NRP2: variants seen among roughly 807,000 people sequenced by gnomAD.
The protein encoded by NRP2 is neuropilin 2.
In NRP2, 52 loss-of-function variants were observed where a neutral mutation model predicts 110.4. That is an observed-to-expected ratio of 0.47 (90% CI 0.38 to 0.59). The LOEUF (loss-of-function observed/expected upper bound fraction) is 0.59. Ranked by LOEUF, NRP2 falls within the 20% of genes least tolerant of loss-of-function variation. The pLI is 0.00. For synonymous variants in NRP2, 508 were observed against 468.9 expected (o/e 1.08, Z -1.08); for missense variants, 1,049 against 1,203.0 (o/e 0.87, Z 1.89).
At chr2:205,683,486 A>G in intron 1 of NRP2, 123 bp downstream of exon 1, 1 of 742,616 alleles carries the variant, frequency 1.3e-6, no homozygotes, top group Non-Finnish European at 2.4e-6. Context: ...AATAATTTAA[A>G]GAGAGATCCC....
At chr2:205,746,007 G>A (rs563952802) in intron 10 of NRP2, 117 bp downstream of exon 10, 4 of 1,152,032 alleles carry the variant, frequency 3.5e-6, no homozygotes, top group East Asian at 4.8e-5. Flanking sequence ...TGGAAATGCT[G>A]CAGACCCCTG....
intron 1 of NRP2, among the ~76,000 whole-genome samples, chr2:205,689,539 A>T (rs1203809005): frequency 6.6e-6 from 1 of 152,240 alleles, no homozygotes; most frequent in African/African-American, 2.4e-5. Context: ...GATTTAAAAA[A>T]TAATTCTTAT....
At chr2:205,787,720 G>A (rs1253725032) in intron 15 of NRP2, among the ~76,000 whole-genome samples, 1 of 9,062 alleles carries the variant, frequency 1.1e-4, no homozygotes, top group African/African-American at 1.6e-4. Flanking sequence ...AAAAGTGTCT[G>A]TGTGTGTGTG....
At chr2:205,718,643 ACAGT>A (rs1314944152) in intron 3 of NRP2, among the ~76,000 whole-genome samples, 1 of 152,196 alleles carries the variant, frequency 6.6e-6, no homozygotes, top group African/African-American at 2.4e-5. Flanking sequence ...TGTCCGCATG[ACAGT>A]CAGTCTTATA....
intron 7 of NRP2, chr2:205,740,116 A>G (rs1293754827): frequency 3.4e-6 from 1 of 296,368 alleles, no homozygotes; most frequent in Non-Finnish European, 6.6e-6. Flanking sequence ...TGCCTGCAAC[A>G]TGAGGAAGAG....
At chr2:205,764,087 T>A (rs932437010) in intron 13 of NRP2, 151 bp downstream of exon 13, 2 of 986,852 alleles carry the variant, frequency 2.0e-6, no homozygotes, top group Non-Finnish European at 3.0e-6. Context: ...TATTTGTTAT[T>A]CAGAATATGC....
intron 4 of NRP2, 88 bp downstream of exon 4, chr2:205,722,796 C>A: frequency 9.2e-7 from 1 of 1,081,496 alleles, no homozygotes; most frequent in Non-Finnish European, 1.4e-6. Flanking sequence ...ACAAAGACTT[C>A]AAAGCTCCTA....
At chr2:205,685,351 C>A (rs1203499545) in intron 1 of NRP2, among the ~76,000 whole-genome samples, 1 of 152,198 alleles carries the variant, frequency 6.6e-6, no homozygotes, top group African/African-American at 2.4e-5. Context: ...CTCAGGCTTT[C>A]AGGCGGAGCA....
At chr2:205,776,773 A>G (rs995862101) in intron 15 of NRP2, 136 of 1,410,724 alleles carry the variant, frequency 9.6e-5, no homozygotes, top group Non-Finnish European at 1.2e-4. Flanking sequence ...TGCATCTTGG[A>G]CTATCCGAAG....
At position 205,686,210 on chromosome 2, in the gene NRP2, T is replaced by A. The variant is rs1045830702; in HGVS notation, c.73+2847T>A. ...AAGTTGGCCGCCTCCAACTACTCCA[T>A]GCTTGTGCCCTCCTCCTCCTCCTCC... On this transcript the variant is annotated intron_variant, in intron 1 of 16. Transcript: ENST00000357785. The surrounding 1 kb of genome is among the most constrained non-coding windows in gnomAD (Gnocchi z 4.7). Among the ~76,000 whole-genome samples the A allele has an allele frequency of 1.3e-5, 2 of 151,906 alleles. No individual in the cohort carries two copies. Among genetic ancestry groups the A allele is most frequent in the Non-Finnish European group, 2.9e-5 (2 of 67,960 alleles).
chr2:205,747,041 G>A (rs1465727080), intron 10 of NRP2, among the ~76,000 whole-genome samples: 1 of 152,138 alleles, frequency 6.6e-6, no homozygotes, highest in African/African-American at 2.4e-5. Context: ...TCCTCTCACA[G>A]GTGCAGAAAA....
At chr2:205,765,679 T>A in intron 14 of NRP2, 109 bp downstream of exon 14, 1 of 930,926 alleles carries the variant, frequency 1.1e-6, no homozygotes, top group Non-Finnish European at 1.8e-6. Context: ...ACCCAGTGGG[T>A]GGGGCAGCCA....
At chr2:205,733,666 C>A (rs2057285110) in intron 7 of NRP2, among the ~76,000 whole-genome samples, 1 of 151,996 alleles carries the variant, frequency 6.6e-6, no homozygotes, top group African/African-American at 2.4e-5. Context: ...GGGTGGAGGG[C>A]CCACCCCACC....
intron 16 of NRP2, among the ~76,000 whole-genome samples, chr2:205,794,260 G>A (rs565954110): frequency 7.2e-5 from 11 of 152,156 alleles, no homozygotes; most frequent in Middle Eastern, 3.4e-3. Flanking sequence ...ACAGGCGCCC[G>A]CCACCACGCC....
intron 2 of NRP2, chr2:205,700,582 G>T: frequency 2.7e-6 from 1 of 376,776 alleles, no homozygotes. Context: ...CTGGGCTGTG[G>T]CCCCTGGGCC....
Position 205,716,179 on chromosome 2 carries a change from C to T in NRP2, c.252-14C>T. ...TTCGAGTGATCTTTTCTTGTCTGTGCCATCCCCACCCAGGTATGACTTTAT... is the reference window on the plus strand; with the variant it reads ...TTCGAGTGATCTTTTCTTGTCTGTGTCATCCCCACCCAGGTATGACTTTAT... On this transcript the variant is annotated splice_polypyrimidine_tract_variant and intron_variant, in intron 2 of 16. Coordinates refer to ENST00000357785, the MANE Select transcript of NRP2 (RefSeq NM_003872.3). 1 of 1,613,854 alleles carries T rather than the reference C, an allele frequency of 6.2e-7. No individual in the cohort carries two copies. The highest frequency in any genetic ancestry group is 8.5e-7 in the Non-Finnish European group (1 of 1,179,758).
chr2:205,685,236 T>C (rs1156610755), intron 1 of NRP2, among the ~76,000 whole-genome samples: 1 of 152,064 alleles, frequency 6.6e-6, no homozygotes, highest in Non-Finnish European at 1.5e-5. Flanking sequence ...AGGCGCGGAG[T>C]TCGGGGCAAC....
At chr2:205,772,834 A>C (rs987112035) in intron 15 of NRP2, among the ~76,000 whole-genome samples, 3 of 152,242 alleles carry the variant, frequency 2.0e-5, no homozygotes, top group African/African-American at 7.2e-5. Context: ...TGCAGGTGAC[A>C]TCTGCCTAAA....
intron 2 of NRP2, among the ~76,000 whole-genome samples, chr2:205,699,100 C>T (rs909797377): frequency 3.5e-4 from 54 of 152,278 alleles, no homozygotes; most frequent in African/African-American, 1.2e-3. Context: ...CCTCATGTGA[C>T]GAAGAGTCAT....
Sources: allele counts gnomAD v4.1 joint callset (sites outside exome capture counted in the v4.1 genomes callset), GRCh38; gene constraint gnomAD v4.1.1; non-coding constraint Gnocchi (gnomAD v3.1); transcripts MANE v1.5; gene names NCBI Gene and HGNC (gene_info 2026-07-23, HGNC 2026-07-21).